ITSN2: variants seen among roughly 807,000 people sequenced by gnomAD.
ITSN2 encodes the protein intersectin 2.
In ITSN2, 156 loss-of-function variants were observed where a neutral mutation model predicts 243.7. The observed-to-expected ratio is 0.64, with a 90% CI of 0.56 to 0.73. The LOEUF is 0.73. ITSN2 is among the 30% of genes least tolerant of loss of function. The pLI is 0.00. For synonymous variants in ITSN2, 703 were observed against 699.9 expected (o/e 1.00, Z -0.07); for missense variants, 1,801 against 1,996.1 (o/e 0.90, Z 1.86).
intron 1 of ITSN2, among the ~76,000 whole-genome samples, chr2:24,335,733 G>T (rs1162236984): frequency 6.6e-6 from 1 of 151,960 alleles, no homozygotes; most frequent in Non-Finnish European, 1.5e-5. Context: ...CCGCCTCCCT[G>T]GTTCAAGTGA....
intron 1 of ITSN2, among the ~76,000 whole-genome samples, chr2:24,354,651 A>G (rs925646774): frequency 1.3e-5 from 2 of 152,234 alleles, no homozygotes; most frequent in Admixed American, 6.5e-5. Flanking sequence ...AAGATTATAC[A>G]GTTATTTGGT....
chr2:24,344,556 C>T (rs1300958515), intron 1 of ITSN2, among the ~76,000 whole-genome samples: 1 of 152,116 alleles, frequency 6.6e-6, no homozygotes, highest in Non-Finnish European at 1.5e-5. Flanking sequence ...CTATGAATTG[C>T]CTATTCATTT....
At chr2:24,290,696 C>A (rs1415815261) in intron 15 of ITSN2, among the ~76,000 whole-genome samples, 1 of 152,168 alleles carries the variant, frequency 6.6e-6, no homozygotes, top group African/African-American at 2.4e-5. Context: ...AATCCACTGT[C>A]CCTCAAATCA....
chr2:24,295,655 A>G lies in ITSN2; in HGVS notation c.1635+9T>C. 6.6e-7 allele frequency: 1 copy of G among 1,522,236 alleles called. No individual in the cohort carries two copies. Among genetic ancestry groups the G allele is most frequent in the African/African-American group, 1.4e-5 (1 of 68,966 alleles). 94.3% of individuals were successfully genotyped at this position (1,522,236 alleles called of 1,614,324 possible). On this transcript the variant is annotated intron_variant, in intron 14 of 39. Coordinates refer to ENST00000355123, the MANE Select transcript of ITSN2 (RefSeq NM_006277.3). ...ATGTTTAAGAACAATTTAGCAGTGA[A>G]GGACTTACCTGAAGTTCCTGTTGAA...
At chr2:24,357,481 GC>G (rs869279238) in intron 1 of ITSN2, among the ~76,000 whole-genome samples, 1 of 152,104 alleles carries the variant, frequency 6.6e-6, no homozygotes, top group Admixed American at 6.5e-5. Context: ...TTGTGGGGGG[GC>G]AATGAGGGAA....
At chr2:24,241,685 G>A (rs1324771306) in intron 29 of ITSN2, 1 of 152,568 alleles carries the variant, frequency 6.6e-6, no homozygotes, top group Non-Finnish European at 1.5e-5. Context: ...GCACACTTGA[G>A]GGCAAACCAC....
chr2:24,343,052 C>CTGAA (rs1371212738), intron 1 of ITSN2, among the ~76,000 whole-genome samples: 1 of 149,434 alleles, frequency 6.7e-6, no homozygotes, highest in African/African-American at 2.5e-5. Flanking sequence ...GATCGTGCCA[C>CTGAA]TGTACTCCAG....
chr2:24,348,820 C>T (rs541358048), intron 1 of ITSN2, among the ~76,000 whole-genome samples: 3 of 152,288 alleles, frequency 2.0e-5, no homozygotes, highest in East Asian at 3.9e-4. Context: ...AAGCATTCGT[C>T]CATTTTCCTA....
chr2:24,342,356 C>T (rs1428072872), intron 1 of ITSN2, among the ~76,000 whole-genome samples: 1 of 151,604 alleles, frequency 6.6e-6, no homozygotes, highest in South Asian at 2.1e-4. Context: ...CGCTGCCAAG[C>T]CCGGCTAATT....
At chr2:24,357,235 G>A (rs1175711405) in intron 1 of ITSN2, among the ~76,000 whole-genome samples, 2 of 152,074 alleles carry the variant, frequency 1.3e-5, no homozygotes, top group Admixed American at 6.6e-5. Context: ...CCAAATGCCC[G>A]TCAATGATAG....
intron 1 of ITSN2, among the ~76,000 whole-genome samples, chr2:24,337,332 A>ATATATATATATATG (rs1686530928): frequency 9.3e-6 from 1 of 107,780 alleles, no homozygotes; most frequent in Non-Finnish European, 1.9e-5. Context: ...ATATATATAT[A>ATATATATATATATG]TATATATATA....
chr2:24,232,863 C>G (rs1265256949), intron 29 of ITSN2, among the ~76,000 whole-genome samples: 1 of 152,170 alleles, frequency 6.6e-6, no homozygotes, highest in Non-Finnish European at 1.5e-5. Context: ...ATGTATAAAC[C>G]TACCAGGTCC....
intron 29 of ITSN2, chr2:24,239,312 CT>C (rs1672485637): frequency 6.6e-6 from 1 of 152,274 alleles, no homozygotes; most frequent in African/African-American, 2.4e-5. Context: ...CCCCCAGTTT[CT>C]TTCTTTTAAA....
chr2:24,289,257 C>T (rs1679935958), intron 15 of ITSN2, among the ~76,000 whole-genome samples: 1 of 152,112 alleles, frequency 6.6e-6, no homozygotes, highest in African/African-American at 2.4e-5. Context: ...CATGGAGTAT[C>T]TTTCCATTTA....
intron 17 of ITSN2, among the ~76,000 whole-genome samples, chr2:24,277,533 C>A (rs1198710599): frequency 6.6e-6 from 1 of 152,084 alleles, no homozygotes; most frequent in Non-Finnish European, 1.5e-5. Flanking sequence ...ATTTGTTGTA[C>A]CTTTCTCTAA....
intron 1 of ITSN2, among the ~76,000 whole-genome samples, chr2:24,334,053 C>T (rs952243290): frequency 5.9e-5 from 9 of 151,376 alleles, no homozygotes; most frequent in Admixed American, 1.3e-4. Context: ...CCACACCTGG[C>T]TAATTTTTTT....
intron 20 of ITSN2, among the ~76,000 whole-genome samples, chr2:24,270,015 A>G (rs1677151072): frequency 6.6e-6 from 1 of 152,192 alleles, no homozygotes; most frequent in Non-Finnish European, 1.5e-5. Flanking sequence ...CCCTAGTATC[A>G]TTAAACATTT....
In ITSN2 at chr2:24,225,448, C is replaced by A. The variant is rs1670934932; in HGVS notation, c.3578-4382G>T. ...GAAGGTATCGATGACCTTGGCATTG[C>A]CAAGTTCAGTGACCTCTTCTGAGCT... On this transcript the variant is annotated intron_variant, in intron 29 of 39. Transcript: ENST00000355123. The surrounding 1 kb of genome is among the most constrained non-coding windows in gnomAD (Gnocchi z 4.2). Among the ~76,000 whole-genome samples, 1 of 152,200 alleles carries A rather than the reference C, an allele frequency of 6.6e-6. No homozygotes were observed.
At position 24,353,279 on chromosome 2, in the gene ITSN2, A is replaced by G. The variant is rs569687365; in HGVS notation, c.-34+7025T>C. ...GAAACAGAAGAAATAAAAGTAGTTAATAAATGTTAACATCACTAATAATTA... is the reference window on the plus strand; with the variant it reads ...GAAACAGAAGAAATAAAAGTAGTTAGTAAATGTTAACATCACTAATAATTA... On this transcript the variant is annotated intron_variant, in intron 1 of 39. Transcript: ENST00000355123. 3.6e-3 allele frequency among the ~76,000 whole-genome samples: 555 copies of G among 152,320 alleles called. 2 individuals carry two copies. Among genetic ancestry groups the G allele is most frequent in the Non-Finnish European group, 6.4e-3 (433 of 68,022 alleles).
Sources: gnomAD v4.1 joint callset for allele counts (sites outside exome capture counted in the v4.1 genomes callset) on GRCh38, gnomAD v4.1.1 for gene constraint, Gnocchi (gnomAD v3.1) non-coding constraint, MANE v1.5 for transcripts, NCBI Gene and HGNC (gene_info 2026-07-23, HGNC 2026-07-21) for gene names.